PDE1C: variants seen among roughly 807,000 people sequenced by gnomAD.
The protein encoded by PDE1C is phosphodiesterase 1C.
Under a neutral mutation model 93.1 loss-of-function variants are expected in PDE1C, and 62 were observed. The ratio of observed to expected loss-of-function variants is 0.67; its 90% CI spans 0.54 to 0.82. The LOEUF is 0.82. Among genes scored for constraint, PDE1C ranks in the 40% least tolerant of loss-of-function variants. The probability of loss-of-function intolerance (pLI) is 0.00; values close to 1 mark genes in which losing one functional copy is unlikely to be tolerated. For synonymous variants in PDE1C, 325 were observed against 310.1 expected (o/e 1.05, Z -0.50); for missense variants, 742 against 884.6 (o/e 0.84, Z 2.04).
At chr7:31,788,546 C>T (rs1784246793) in intron 16 of PDE1C, 1 of 152,214 alleles carries the variant, frequency 6.6e-6, no homozygotes, top group South Asian at 2.1e-4. Context: ...CACCCACCCT[C>T]TCCAATTTCT....
the PDE1C span, among the ~76,000 whole-genome samples, chr7:31,721,191 G>T: frequency 6.6e-6 from 1 of 152,210 alleles, no homozygotes; most frequent in Admixed American, 6.5e-5. Flanking sequence ...AGCAGGAAGA[G>T]AATTCTAGAG....
At chr7:31,837,387 C>G (rs1165071280) in intron 10 of PDE1C, 87 bp from the exon 11 acceptor site, 2 of 1,262,742 alleles carry the variant, frequency 1.6e-6, no homozygotes, top group Non-Finnish European at 2.1e-6. Flanking sequence ...AGTTTTTAAT[C>G]TCTTTTGTTC....
At chr7:31,916,758 T>C (rs1801972248) in intron 2 of PDE1C, among the ~76,000 whole-genome samples, 1 of 152,070 alleles carries the variant, frequency 6.6e-6, no homozygotes, top group South Asian at 2.1e-4. Flanking sequence ...AAAATACTAG[T>C]TTATATTAAA....
chr7:32,009,900 T>A lies in PDE1C; in HGVS notation c.128+41654A>T, dbSNP rs550842541. Among the ~76,000 whole-genome samples, 6 of 152,206 alleles carry A rather than the reference T, an allele frequency of 3.9e-5. No homozygotes were observed. In the East Asian group the frequency reaches 7.7e-4, roughly 20 times the overall value. On this transcript the variant is annotated intron_variant, in intron 2 of 17. Coordinates refer to ENST00000396191, the MANE Select transcript of PDE1C (RefSeq NM_001191057.4). Reference sequence around the variant, plus strand: ...ATTTCTGGATACTATAAATGAACAATCAGAAGTTGAAATTTAAAAATACCA... The same window carrying A: ...ATTTCTGGATACTATAAATGAACAAACAGAAGTTGAAATTTAAAAATACCA...
intron 2 of PDE1C, among the ~76,000 whole-genome samples, chr7:32,186,100 T>TG (rs1562559920): frequency 3.8e-4 from 55 of 143,664 alleles, no homozygotes; most frequent in Non-Finnish European, 5.9e-4. Context: ...TTTTTTTTTT[T>TG]TTTTTTTTTT....
the PDE1C span, among the ~76,000 whole-genome samples, chr7:31,673,541 T>C: frequency 1.3e-5 from 2 of 152,278 alleles, 1 homozygote; most frequent in South Asian, 4.1e-4. Flanking sequence ...TTCTCATGTG[T>C]TTTAAAATTT....
At chr7:31,836,749 T>A (rs899461262) in intron 11 of PDE1C, among the ~76,000 whole-genome samples, 1 of 152,166 alleles carries the variant, frequency 6.6e-6, no homozygotes, top group Non-Finnish European at 1.5e-5. Context: ...CACATCTGGT[T>A]TGGAATTTTG....
chr7:31,882,553 A>G (rs2128881769), intron 2 of PDE1C, among the ~76,000 whole-genome samples: 1 of 152,282 alleles, frequency 6.6e-6, no homozygotes, highest in South Asian at 2.1e-4. Flanking sequence ...TGGACTCCCA[A>G]ACGAAAAAAT....
chr7:32,202,368 C>T (rs1860222), intron 2 of PDE1C, among the ~76,000 whole-genome samples: 32,710 of 152,044 alleles, frequency 0.22, 4,246 homozygotes, highest in Admixed American at 0.33. Flanking sequence ...ACCACAACCA[C>T]CAATGCTTTC....
At chr7:32,206,841 G>A (rs143810454) in intron 2 of PDE1C, among the ~76,000 whole-genome samples, 2 of 152,324 alleles carry the variant, frequency 1.3e-5, no homozygotes, top group East Asian at 3.9e-4. Flanking sequence ...TGGTGTGCCT[G>A]CATTCACACA....
chr7:31,700,847 A>G, the PDE1C span, among the ~76,000 whole-genome samples: 4 of 152,168 alleles, frequency 2.6e-5, no homozygotes, highest in Non-Finnish European at 5.9e-5. Context: ...AAAGGCATAC[A>G]TGTTTACAGC....
At chr7:32,260,433 G>T (rs1325055735) in intron 1 of PDE1C, among the ~76,000 whole-genome samples, 1 of 152,174 alleles carries the variant, frequency 6.6e-6, no homozygotes, top group Non-Finnish European at 1.5e-5. Context: ...GAAACATCTG[G>T]CACAGAAAAG....
chr7:31,672,114 A>T, the PDE1C span, among the ~76,000 whole-genome samples: 2 of 152,216 alleles, frequency 1.3e-5, no homozygotes, highest in Non-Finnish European at 2.9e-5. Context: ...CTCAAAGCTG[A>T]ACTGTGACTT....
At chr7:32,413,110 A>G (rs1022810373) in intron 1 of PDE1C, among the ~76,000 whole-genome samples, 5 of 152,192 alleles carry the variant, frequency 3.3e-5, no homozygotes, top group Admixed American at 1.3e-4. Context: ...TAAATTGTAC[A>G]TCAAAACAAG....
At chr7:32,011,254 G>A (rs1265482109) in intron 2 of PDE1C, among the ~76,000 whole-genome samples, 3 of 151,472 alleles carry the variant, frequency 2.0e-5, no homozygotes, top group Non-Finnish European at 4.4e-5. Context: ...GTGCAGTGGT[G>A]CAATCTCAGT....
At chr7:32,426,892 A>G (rs1272367976) in intron 1 of PDE1C, among the ~76,000 whole-genome samples, 1 of 152,322 alleles carries the variant, frequency 6.6e-6, no homozygotes. Flanking sequence ...TCAACAGACC[A>G]TCCCCGTGAG....
Position 31,875,831 on chromosome 7 carries a change from A to ATATGTATG in PDE1C, c.492+2138_492+2139insCATACATA, listed in dbSNP as rs1554387840. On this transcript the variant is annotated intron_variant, in intron 5 of 17. Transcript: ENST00000396191. ...TATATATATATATATATATATATAT[A>ATATGTATG]TATAATGGAAAAAGTAAAATAACAT... is the stretch of plus-strand genomic sequence containing the variant. 3.3e-5 allele frequency among the ~76,000 whole-genome samples: 3 copies of ATATGTATG among 90,124 alleles called. 1 individual carries two copies. Among genetic ancestry groups the ATATGTATG allele is most frequent in the East Asian group, 4.3e-4 (1 of 2,340 alleles). The allele number at this position is 90,124 out of a possible 152,430, so 59.1% of individuals were successfully genotyped here.
At chr7:31,683,890 T>G in the PDE1C span, among the ~76,000 whole-genome samples, 3 of 152,350 alleles carry the variant, frequency 2.0e-5, no homozygotes. Flanking sequence ...CATTTAAAGC[T>G]AGTTACCATC....
At position 31,898,020 on chromosome 7, in the gene PDE1C, TTGTGTGTGTG is replaced by T. The variant is rs140101637; in HGVS notation, c.129-17170_129-17161del. 3.9e-3 allele frequency among the ~76,000 whole-genome samples: 567 copies of T among 146,050 alleles called. 2 individuals carry two copies. Among genetic ancestry groups the T allele is most frequent in the Middle Eastern group, 0.014 (4 of 286 alleles). ...TAAGTAACAGAAGGGTTTGGTTTCTTTGTGTGTGTGTGTGTGTGTGTGTGTGTGTGTGTGT... is the reference window on the plus strand; with the variant it reads ...TAAGTAACAGAAGGGTTTGGTTTCTTTGTGTGTGTGTGTGTGTGTGTGTGT... On this transcript the variant is annotated intron_variant, in intron 2 of 17. Coordinates refer to ENST00000396191, the MANE Select transcript of PDE1C (RefSeq NM_001191057.4).
Sources: gnomAD v4.1 joint callset for allele counts (sites outside exome capture counted in the v4.1 genomes callset) on GRCh38, gnomAD v4.1.1 for gene constraint, MANE v1.5 for transcripts, NCBI Gene and HGNC (gene_info 2026-07-23, HGNC 2026-07-21) for gene names.